GRIN2A: variants seen among roughly 807,000 people sequenced by gnomAD.
The protein encoded by GRIN2A is glutamate receptor ionotropic, NMDA 2A.
In GRIN2A, 22 loss-of-function variants were observed where a neutral mutation model predicts 113.4. The observed-to-expected ratio is 0.19, with a 90% CI of 0.14 to 0.28. The LOEUF (loss-of-function observed/expected upper bound fraction) is 0.28, where lower values mean the gene tolerates loss of function less well. Among genes scored for constraint, GRIN2A ranks in the 10% least tolerant of loss-of-function variants. The probability of loss-of-function intolerance (pLI) is 1.00; values close to 1 mark genes in which losing one functional copy is unlikely to be tolerated. For synonymous variants in GRIN2A, 827 were observed against 738.4 expected (o/e 1.12, Z -1.94); for missense variants, 1,502 against 1,887.0 (o/e 0.80, Z 3.78).
chr16:9,872,260 T>C (rs949948137), intron 4 of GRIN2A, among the ~76,000 whole-genome samples: 2 of 152,190 alleles, frequency 1.3e-5, no homozygotes, highest in Non-Finnish European at 2.9e-5. Flanking sequence ...AGCGTAAATG[T>C]TGATCAAACT....
At chr16:9,939,049 G>A (rs1251245704) in intron 2 of GRIN2A, among the ~76,000 whole-genome samples, 1 of 152,176 alleles carries the variant, frequency 6.6e-6, no homozygotes, top group Admixed American at 6.5e-5. Context: ...CATTTAAGGA[G>A]TTTGAGTAGG....
At chr16:10,077,624 G>A (rs993092564) in intron 2 of GRIN2A, among the ~76,000 whole-genome samples, 2 of 152,222 alleles carry the variant, frequency 1.3e-5, no homozygotes, top group African/African-American at 2.4e-5. Flanking sequence ...TTTCAGGCAA[G>A]ACCTTGCACA....
chr16:9,806,441 T>A (rs2041968655), intron 10 of GRIN2A, among the ~76,000 whole-genome samples: 1 of 152,142 alleles, frequency 6.6e-6, no homozygotes, highest in African/African-American at 2.4e-5. Context: ...TTTTTACCAA[T>A]AATATTCACT....
intron 8 of GRIN2A, among the ~76,000 whole-genome samples, chr16:9,831,196 G>C (rs982770868): frequency 1.3e-5 from 2 of 152,194 alleles, no homozygotes; most frequent in African/African-American, 2.4e-5. Flanking sequence ...TTGCACAACT[G>C]ATGCCATCCT....
At chr16:9,854,329 C>G (rs2042933234) in intron 4 of GRIN2A, among the ~76,000 whole-genome samples, 1 of 151,370 alleles carries the variant, frequency 6.6e-6, no homozygotes, top group African/African-American at 2.4e-5. Flanking sequence ...GTCTGAATAG[C>G]CTTTGGGTAT....
intron 2 of GRIN2A, among the ~76,000 whole-genome samples, chr16:10,101,969 G>A (rs2048408042): frequency 6.6e-6 from 1 of 152,186 alleles, no homozygotes; most frequent in Non-Finnish European, 1.5e-5. Flanking sequence ...AAACATGGTG[G>A]TAATCCTAGA....
chr16:10,135,462 TC>T (rs2049172622), intron 2 of GRIN2A, among the ~76,000 whole-genome samples: 1 of 152,226 alleles, frequency 6.6e-6, no homozygotes, highest in African/African-American at 2.4e-5. Flanking sequence ...CTAGTCTTTT[TC>T]TCTGATGTGT....
At chr16:9,959,704 C>A (rs112394818) in intron 2 of GRIN2A, among the ~76,000 whole-genome samples, 2 of 152,128 alleles carry the variant, frequency 1.3e-5, no homozygotes, top group African/African-American at 4.8e-5. Context: ...CCAGGCATGG[C>A]GGCTCACGCC....
intron 5 of GRIN2A, among the ~76,000 whole-genome samples, chr16:9,842,456 A>T (rs1394803114): frequency 6.6e-6 from 1 of 152,118 alleles, no homozygotes; most frequent in Non-Finnish European, 1.5e-5. Flanking sequence ...ATTTTTGGCA[A>T]ATCCACACAT....
chr16:10,071,347 T>A (rs1247145921), intron 2 of GRIN2A, among the ~76,000 whole-genome samples: 1 of 152,118 alleles, frequency 6.6e-6, no homozygotes, highest in Non-Finnish European at 1.5e-5. Context: ...CAGATCCAGT[T>A]GAAGTAAGGG....
rs553339716 is a variant in GRIN2A at position 9,765,025 on chromosome 16, T to C, written c.2596-77A>G. On this transcript the variant is annotated intron_variant, in intron 12 of 12. Coordinates refer to ENST00000330684, the MANE Select transcript of GRIN2A (RefSeq NM_001134407.3). ...AACCACTTTGCACTTGAACTTTACCTGCAAAGGTGAGATTTGCACTTCTTG... is the reference window on the plus strand; with the variant it reads ...AACCACTTTGCACTTGAACTTTACCCGCAAAGGTGAGATTTGCACTTCTTG... 5.8e-4 allele frequency: 917 copies of C among 1,585,746 alleles called. 1 individual carries two copies. Among genetic ancestry groups the C allele is most frequent in the Non-Finnish European group, 7.5e-4 (870 of 1,160,672 alleles).
chr16:10,141,864 A>C (rs914803535), intron 2 of GRIN2A, among the ~76,000 whole-genome samples: 4 of 152,206 alleles, frequency 2.6e-5, no homozygotes, highest in Non-Finnish European at 5.9e-5. Flanking sequence ...CTGCTCACCA[A>C]CAGCAGGACA....
At chr16:10,132,631 C>G (rs751826823) in intron 2 of GRIN2A, among the ~76,000 whole-genome samples, 4 of 152,204 alleles carry the variant, frequency 2.6e-5, no homozygotes, top group Non-Finnish European at 4.4e-5. Context: ...CCACCACTAA[C>G]TAGATCTGTC....
chr16:10,079,973 G>T (rs2047948099), intron 2 of GRIN2A, among the ~76,000 whole-genome samples: 1 of 152,190 alleles, frequency 6.6e-6, no homozygotes, highest in Non-Finnish European at 1.5e-5. Context: ...GTTACCCTCT[G>T]TGCAATGCTG....
intron 10 of GRIN2A, among the ~76,000 whole-genome samples, chr16:9,814,867 A>C (rs377655705): frequency 1.6e-4 from 25 of 152,238 alleles, no homozygotes; most frequent in African/African-American, 5.5e-4. Flanking sequence ...TAAAAAATAC[A>C]AAATTGACAG....
intron 2 of GRIN2A, among the ~76,000 whole-genome samples, chr16:10,145,610 A>AAGTTTATTCTGAAACT (rs1228564868): frequency 6.6e-6 from 1 of 152,196 alleles, no homozygotes; most frequent in Non-Finnish European, 1.5e-5. Flanking sequence ...TAATCTCCAT[A>AAGTTTATTCTGAAACT]GCAATAAGTT....
chr16:10,132,043 T>C (rs1210730551), intron 2 of GRIN2A, among the ~76,000 whole-genome samples: 1 of 152,038 alleles, frequency 6.6e-6, no homozygotes, highest in South Asian at 2.1e-4. Context: ...TTCAGAGATG[T>C]GAAATAGTCT....
chr16:9,849,642 G>A (rs1213794494), intron 5 of GRIN2A, 114 bp downstream of exon 5: 7 of 838,068 alleles, frequency 8.4e-6, no homozygotes, highest in East Asian at 2.5e-5. Context: ...CTACTATAAC[G>A]ACGTGTATTT....
intron 2 of GRIN2A, among the ~76,000 whole-genome samples, chr16:10,096,101 C>T (rs1047136043): frequency 5.3e-5 from 8 of 152,070 alleles, no homozygotes; most frequent in African/African-American, 1.9e-4. Flanking sequence ...AACATATGAG[C>T]CCAAGCCCCA....
Sources: gnomAD v4.1 joint callset for allele counts (sites outside exome capture counted in the v4.1 genomes callset) on GRCh38, gnomAD v4.1.1 for gene constraint, MANE v1.5 for transcripts, NCBI Gene and HGNC (gene_info 2026-07-23, HGNC 2026-07-21) for gene names.